Variants in ZNHIT3 observed in about 807,000 individuals in gnomAD.
ZNHIT3 encodes the protein zinc finger HIT-type containing 3, also known as zinc finger HIT domain-containing protein 3.
ZNHIT3 carries 27 observed loss-of-function variants against 19.9 expected under a neutral mutation model. The ratio of observed to expected loss-of-function variants is 1.36; its 90% CI spans 1.00 to 1.87. The LOEUF is 1.87. ZNHIT3 is among the 40% of genes most tolerant of loss of function. The pLI is 0.00. For synonymous variants in ZNHIT3, 81 were observed against 65.7 expected (o/e 1.23, Z -1.13); for missense variants, 215 against 185.6 (o/e 1.16, Z -0.92).
downstream of ZNHIT3, chr17:36,498,582 A>G (rs1599194470): frequency 1.3e-6 from 2 of 1,585,388 alleles, no homozygotes; most frequent in East Asian, 2.3e-5. Flanking sequence ...ATATCCCTTT[A>G]TAGCTTTAGA....
chr17:36,494,240 A>G (rs139034914), intron 4 of ZNHIT3, among the ~76,000 whole-genome samples: 1,614 of 152,204 alleles, frequency 0.011, 23 homozygotes, highest in African/African-American at 0.037. Context: ...TCCTCCTTCA[A>G]GCCTTGGTTC....
chr17:36,486,691 C>A lies in ZNHIT3; in HGVS notation c.-9C>A, dbSNP rs755283829. On this transcript the variant is annotated 5_prime_UTR_variant, in exon 1 of 5. Coordinates refer to ENST00000617429, the MANE Select transcript of ZNHIT3 (RefSeq NM_004773.4). ...GGCGGCGCAGTGAACAGTCTCCTTCCACAAAACCATGGCGTCGCTCAAATG... is the reference window on the plus strand; with the variant it reads ...GGCGGCGCAGTGAACAGTCTCCTTCAACAAAACCATGGCGTCGCTCAAATG... The A allele has an allele frequency of 1.2e-6, 2 of 1,613,758 alleles. No individual in the cohort carries two copies. Among genetic ancestry groups the A allele is most frequent in the Non-Finnish European group, 1.7e-6 (2 of 1,179,816 alleles).
chr17:36,496,389 G>A (rs916507567), downstream of ZNHIT3: 6 of 1,613,870 alleles, frequency 3.7e-6, no homozygotes, highest in Non-Finnish European at 5.1e-6. Context: ...ACTTTCTGCA[G>A]TGAAACTTTA....
In ZNHIT3 at chr17:36,495,241, G is replaced by A; in HGVS notation, c.305G>A (p.Arg102Lys). 3 of 1,577,158 alleles carry A rather than the reference G, an allele frequency of 1.9e-6. No homozygotes were observed. Among genetic ancestry groups the A allele is most frequent in the Non-Finnish European group, 2.6e-6 (3 of 1,167,662 alleles). Reference protein sequence around the residue: ...LKNLGESATLRSLLLNPHLRQ... With the variant: ...LKNLGESATLKSLLLNPHLRQ... ...TTTTTAGGGGAATCTGCAACATTAA[G>A]AAGCTTATTGCTCAATCCACACCTC... is the stretch of plus-strand genomic sequence containing the variant. The change falls in exon 5 of 5, where the codon AGA (arginine) becomes AAA (lysine). Residue 102 changes from arginine to lysine, a missense_variant. Transcript: ENST00000617429.
intron 2 of ZNHIT3, chr17:36,490,410 A>G (rs1459358898): frequency 1.3e-5 from 2 of 152,070 alleles, no homozygotes; most frequent in African/African-American, 4.8e-5. Context: ...GTGAATTTAT[A>G]TCTGGGTTCT....
downstream of ZNHIT3, chr17:36,498,387 C>T (rs1041644283): frequency 2.5e-6 from 4 of 1,614,016 alleles, no homozygotes; most frequent in African/African-American, 4.0e-5. Context: ...CCTCTGAAAG[C>T]TGCCTACACC....
downstream of ZNHIT3, chr17:36,498,144 T>G: frequency 1.8e-6 from 2 of 1,095,116 alleles, no homozygotes; most frequent in Non-Finnish European, 2.6e-6. Context: ...CCCTCTGGTT[T>G]ACCCAGTAGG....
downstream of ZNHIT3, chr17:36,498,971 C>G (rs373816669): frequency 1.1e-6 from 1 of 934,140 alleles, no homozygotes; most frequent in Non-Finnish European, 1.7e-6. Flanking sequence ...ACAACCTGCC[C>G]AAGGCCACCT....
chr17:36,498,661 A>G (rs2071224087), downstream of ZNHIT3: 1 of 1,329,756 alleles, frequency 7.5e-7, no homozygotes, highest in East Asian at 2.5e-5. Context: ...AACAAGGTGA[A>G]CTGAAGGCAC....
At chr17:36,496,467 A>G (rs1258102944), downstream of ZNHIT3, 2 of 1,553,040 alleles carry the variant, frequency 1.3e-6, no homozygotes, top group East Asian at 4.5e-5. Flanking sequence ...GGGCCTAACA[A>G]CCCCACAGAG....
rs1351860613 is a variant in ZNHIT3 at position 36,486,689 on chromosome 17, TC to T, written c.-9del. ...GCGGCGGCGCAGTGAACAGTCTCCTTCCACAAAACCATGGCGTCGCTCAAAT... is the reference window on the plus strand; with the variant it reads ...GCGGCGGCGCAGTGAACAGTCTCCTTCACAAAACCATGGCGTCGCTCAAAT... On this transcript the variant is annotated 5_prime_UTR_variant, in exon 1 of 5. Transcript: ENST00000617429. 1 of 1,613,496 alleles carries T rather than the reference TC, an allele frequency of 6.2e-7. No homozygotes were observed. Among genetic ancestry groups the T allele is most frequent in the Admixed American group, 1.7e-5 (1 of 59,950 alleles).
downstream of ZNHIT3, chr17:36,496,201 G>A (rs2070949981): frequency 6.2e-7 from 1 of 1,604,674 alleles, no homozygotes; most frequent in South Asian, 1.1e-5. Context: ...AAATGTCTTT[G>A]GCAAGGCAGG....
At chr17:36,488,801 A>C (rs2070654127) in intron 2 of ZNHIT3, among the ~76,000 whole-genome samples, 1 of 152,218 alleles carries the variant, frequency 6.6e-6, no homozygotes, top group Non-Finnish European at 1.5e-5. Flanking sequence ...TATTCGCCCC[A>C]AATAATCATT....
Position 36,492,802 on chromosome 17 carries a change from G to A in ZNHIT3, c.119-11G>A, listed in dbSNP as rs552747051. ...GAGGTAATGTGGGCCTGGGATTTGT[G>A]TCTTTTTCAGAACAGTGCAACCCTG... On this transcript the variant is annotated splice_polypyrimidine_tract_variant and intron_variant, in intron 2 of 4. Transcript: ENST00000617429. 7 of 1,612,950 alleles carry A rather than the reference G, an allele frequency of 4.3e-6. No individual in the cohort carries two copies. In the East Asian group the frequency reaches 1.6e-4, roughly 36 times the overall value.
chr17:36,493,804 G>A (rs1049309138), intron 3 of ZNHIT3, 122 bp from the exon 4 acceptor site: 12 of 694,950 alleles, frequency 1.7e-5, no homozygotes, highest in Non-Finnish European at 3.1e-5. Flanking sequence ...GTACCTGCTT[G>A]AATACCCCTA....
chr17:36,497,813 G>A (rs186436413), downstream of ZNHIT3: 6 of 157,562 alleles, frequency 3.8e-5, no homozygotes, highest in South Asian at 2.0e-4. Context: ...TTGAACTCCT[G>A]ACCTCAGGTG....
At chr17:36,498,508 G>A, downstream of ZNHIT3, 1 of 1,614,040 alleles carries the variant, frequency 6.2e-7, no homozygotes, top group Non-Finnish European at 8.5e-7. Flanking sequence ...TGAGAGAAGT[G>A]TTTTTCTTCC....
downstream of ZNHIT3, chr17:36,496,395 CT>C (rs753665430): frequency 6.2e-7 from 1 of 1,613,864 alleles, no homozygotes; most frequent in Admixed American, 1.7e-5. Flanking sequence ...TGCAGTGAAA[CT>C]TTATCGATCC....
chr17:36,493,927 T>C lies in ZNHIT3; in HGVS notation c.207T>C (p.Asp69=). 1 of 1,610,838 alleles carries C rather than the reference T, an allele frequency of 6.2e-7. No individual in the cohort carries two copies. Among genetic ancestry groups the C allele is most frequent in the Non-Finnish European group, 8.5e-7 (1 of 1,177,352 alleles). Residue 69 remains aspartate, a splice_region_variant and synonymous_variant, in exon 4 of 5, where the codon GAT becomes GAC. Transcript: ENST00000617429. Reference sequence around the variant, plus strand: ...CATTGACTGTTTTGTATTCCTTAGATGATGATGACTCTATAGCTGATTTTC... The same window carrying C: ...CATTGACTGTTTTGTATTCCTTAGACGATGATGACTCTATAGCTGATTTTC... ...TKTVKPVENK[D]DDDSIADFLN... is the part of the protein sequence containing the mutation.
Sources: allele counts gnomAD v4.1 joint callset (sites outside exome capture counted in the v4.1 genomes callset), GRCh38; gene constraint gnomAD v4.1.1; transcripts MANE v1.5; gene names NCBI Gene and HGNC (gene_info 2026-07-23, HGNC 2026-07-21).